The following FGF1 variants were observed in gnomAD, a reference collection of about 807,000 sequenced individuals.
FGF1 encodes the protein fibroblast growth factor 1.
In FGF1, 9 loss-of-function variants were observed where a neutral mutation model predicts 13.4. That is an observed-to-expected ratio of 0.67 (90% CI 0.40 to 1.17). The LOEUF is 1.17. Among genes scored for constraint, FGF1 ranks in the 50% most tolerant of loss-of-function variants. The pLI, the probability that FGF1 is intolerant of heterozygous loss-of-function variation, is 0.01. For synonymous variants in FGF1, 93 were observed against 79.0 expected (o/e 1.18, Z -0.94); for missense variants, 156 against 192.7 (o/e 0.81, Z 1.13).
chr5:142,611,507 T>C (rs918890351), intron 2 of FGF1, among the ~76,000 whole-genome samples: 6 of 152,176 alleles, frequency 3.9e-5, no homozygotes, highest in African/African-American at 9.7e-5. Flanking sequence ...TTGAAGCTTC[T>C]TTCGCAGAGT....
chr5:142,635,361 C>T (rs1231849638), intron 1 of FGF1, among the ~76,000 whole-genome samples: 3 of 152,182 alleles, frequency 2.0e-5, no homozygotes, highest in South Asian at 2.1e-4. Context: ...TCAAATCCAC[C>T]GCCATCATCA....
At chr5:142,649,412 G>GT (rs59789895) in intron 1 of FGF1, among the ~76,000 whole-genome samples, 222 of 145,798 alleles carry the variant, frequency 1.5e-3, no homozygotes, top group East Asian at 6.7e-3. Flanking sequence ...GGTGGACATT[G>GT]TTTTTTTTTT....
In FGF1 at chr5:142,608,943, T is replaced by C. The variant is rs374129483; in HGVS notation, c.169+5016A>G. On this transcript the variant is annotated intron_variant, in intron 2 of 3. Coordinates refer to ENST00000337706, the MANE Select transcript of FGF1 (RefSeq NM_000800.5). The stretch of plus-strand genomic sequence containing the variant: ...CCCTGTCGCGGAGTACATTCCTGCC[T>C]GGAGACCTCCCCTTCTCTCTGACTT... 6.7e-3 allele frequency among the ~76,000 whole-genome samples: 1,022 copies of C among 152,068 alleles called. 18 individuals are homozygous for C. Among genetic ancestry groups the C allele is most frequent in the African/African-American group, 0.024 (986 of 41,476 alleles).
intron 1 of FGF1, chr5:142,672,145 GAC>G (rs1004629307): frequency 6.6e-6 from 1 of 152,098 alleles, no homozygotes; most frequent in African/African-American, 2.4e-5. Flanking sequence ...TAGATAAAGA[GAC>G]AGACACAGAC....
At chr5:142,618,470 A>T (rs1760706520) in intron 1 of FGF1, among the ~76,000 whole-genome samples, 1 of 152,202 alleles carries the variant, frequency 6.6e-6, no homozygotes, top group Non-Finnish European at 1.5e-5. Context: ...AGCGCTTGAA[A>T]AATTGGACCT....
At chr5:142,654,995 C>A (rs576438616) in intron 1 of FGF1, among the ~76,000 whole-genome samples, 1 of 152,372 alleles carries the variant, frequency 6.6e-6, no homozygotes, top group African/African-American at 2.4e-5. Context: ...CTGGCCCACC[C>A]CAGCTCCAAG....
chr5:142,683,821 C>CAAAAAAAAAAAAAA (rs768317949), intron 1 of FGF1, among the ~76,000 whole-genome samples: 1 of 49,744 alleles, frequency 2.0e-5, no homozygotes, highest in African/African-American at 8.6e-5. Context: ...AACTCTGTCT[C>CAAAAAAAAAAAAAA]AAAAAAAAAA....
chr5:142,640,033 T>C (rs1764908752), intron 1 of FGF1, among the ~76,000 whole-genome samples: 1 of 151,968 alleles, frequency 6.6e-6, no homozygotes, highest in South Asian at 2.1e-4. Context: ...ATTTGTCAGT[T>C]GCCATACTGA....
At chr5:142,659,324 G>A (rs565952206) in intron 1 of FGF1, among the ~76,000 whole-genome samples, 203 of 151,454 alleles carry the variant, frequency 1.3e-3, no homozygotes, top group Admixed American at 4.0e-3. Context: ...TGCCTCCCGG[G>A]TTCAAGCGAT....
intron 1 of FGF1, among the ~76,000 whole-genome samples, chr5:142,662,719 C>T (rs1483512565): frequency 6.6e-6 from 1 of 152,160 alleles, no homozygotes; most frequent in African/African-American, 2.4e-5. Context: ...TCTCTTTGCC[C>T]TGGGGGAACT....
At chr5:142,662,030 C>CA (rs533591300) in intron 1 of FGF1, among the ~76,000 whole-genome samples, 48 of 150,560 alleles carry the variant, frequency 3.2e-4, no homozygotes, top group Admixed American at 7.9e-4. Context: ...AACACACAGA[C>CA]AAAAAAAAAC....
intron 1 of FGF1, among the ~76,000 whole-genome samples, chr5:142,683,400 T>G (rs961259154): frequency 6.6e-6 from 1 of 152,156 alleles, no homozygotes; most frequent in Non-Finnish European, 1.5e-5. Context: ...ATATTTATGG[T>G]TAAGGGAATA....
chr5:142,603,393 A>G (rs1757000541), intron 2 of FGF1, among the ~76,000 whole-genome samples: 1 of 151,918 alleles, frequency 6.6e-6, no homozygotes, highest in African/African-American at 2.4e-5. Flanking sequence ...CTCCCTGCCA[A>G]TACCACCCTC....
At chr5:142,609,979 G>C (rs984621741) in intron 2 of FGF1, among the ~76,000 whole-genome samples, 2 of 152,186 alleles carry the variant, frequency 1.3e-5, no homozygotes, top group Admixed American at 1.3e-4. Context: ...TTGTGGGGCG[G>C]AACCACTGTC....
intron 1 of FGF1, among the ~76,000 whole-genome samples, chr5:142,641,198 C>G (rs1275691105): frequency 6.6e-6 from 1 of 151,940 alleles, no homozygotes; most frequent in African/African-American, 2.4e-5. Context: ...GAAGATCGGG[C>G]AATGAGGACT....
At chr5:142,615,227 T>A (rs1359422887) in intron 1 of FGF1, among the ~76,000 whole-genome samples, 1 of 152,130 alleles carries the variant, frequency 6.6e-6, no homozygotes, top group African/African-American at 2.4e-5. Context: ...CTGCACTTTT[T>A]TTTTTTTCTC....
chr5:142,673,670 A>G (rs972684265), intron 1 of FGF1, among the ~76,000 whole-genome samples: 4 of 152,090 alleles, frequency 2.6e-5, no homozygotes, highest in East Asian at 1.9e-4. Context: ...AGCCACCATT[A>G]TCTCTTTTCT....
intron 1 of FGF1, among the ~76,000 whole-genome samples, chr5:142,635,301 G>T (rs1648560023): frequency 6.6e-6 from 1 of 152,162 alleles, no homozygotes; most frequent in Non-Finnish European, 1.5e-5. Flanking sequence ...AAAACACCTG[G>T]CACATACTAA....
At chr5:142,646,037 T>C (rs1765997629) in intron 1 of FGF1, among the ~76,000 whole-genome samples, 1 of 152,072 alleles carries the variant, frequency 6.6e-6, no homozygotes, top group Non-Finnish European at 1.5e-5. Flanking sequence ...GCTTCCCAAG[T>C]AGCTGGGACT....
Sources: gnomAD v4.1 joint callset for allele counts (sites outside exome capture counted in the v4.1 genomes callset) on GRCh38, gnomAD v4.1.1 for gene constraint, MANE v1.5 for transcripts, NCBI Gene and HGNC (gene_info 2026-07-23, HGNC 2026-07-21) for gene names.